The following MPPED2 variants were observed in gnomAD, a reference collection of about 807,000 sequenced individuals.
MPPED2 encodes metallophosphoesterase domain containing 2.
Under a neutral mutation model 33.0 loss-of-function variants are expected in MPPED2, and 5 were observed. The observed-to-expected ratio is 0.15, with a 90% CI of 0.08 to 0.32. The LOEUF (loss-of-function observed/expected upper bound fraction) is 0.32, where lower values mean the gene tolerates loss of function less well. Among genes scored for constraint, MPPED2 ranks in the 10% least tolerant of loss-of-function variants. The pLI is 1.00. For missense variants in MPPED2, 275 were observed against 372.1 expected, an observed-to-expected ratio of 0.74 and a Z score of 2.15; for synonymous variants, 136 against 141.9, an observed-to-expected ratio of 0.96 and a Z score of 0.29.
At chr11:30,504,626 A>C (rs1185792983) in intron 3 of MPPED2, 1 of 475,794 alleles carries the variant, frequency 2.1e-6, no homozygotes, top group Non-Finnish European at 3.6e-6. Flanking sequence ...TCAGCTACAA[A>C]ACCACCAGAA....
chr11:30,458,430 A>G (rs1365141479), intron 4 of MPPED2, among the ~76,000 whole-genome samples: 2 of 152,230 alleles, frequency 1.3e-5, no homozygotes, highest in African/African-American at 4.8e-5. Context: ...AGCAGAATGC[A>G]CTTGAAATCC....
At chr11:30,495,588 CTG>C (rs1419497319) in intron 3 of MPPED2, 67 bp from the exon 4 acceptor site, 2 of 1,191,116 alleles carry the variant, frequency 1.7e-6, no homozygotes, top group African/African-American at 1.5e-5. Context: ...ACAGCCGAGA[CTG>C]TGTGATTAGC....
chr11:30,519,469 G>A (rs1242696220), intron 3 of MPPED2, among the ~76,000 whole-genome samples: 1 of 151,734 alleles, frequency 6.6e-6, no homozygotes, highest in Non-Finnish European at 1.5e-5. Context: ...GGTGGTAGTG[G>A]TAGTAATAGT....
rs1368991023 is a variant in MPPED2, at chr11:30,562,112, A to C, written c.128+18134T>G. Reference sequence around the variant, plus strand: ...TATAGGTTTGCTCATTTCCACACACAGCAAGCAGTGGGCCAGAAACCACCT... The same window carrying C: ...TATAGGTTTGCTCATTTCCACACACCGCAAGCAGTGGGCCAGAAACCACCT... On this transcript the variant is annotated intron_variant, in intron 2 of 6. Transcript: ENST00000358117. Among the ~76,000 whole-genome samples the C allele has an allele frequency of 2.0e-5, 3 of 152,226 alleles. No homozygotes were observed. The East Asian group carries it at 5.8e-4, about 29-fold the overall frequency.
intron 4 of MPPED2, 24 bp from the exon 5 acceptor site, chr11:30,417,657 G>T (rs114983317): frequency 7.1e-7 from 1 of 1,407,370 alleles, no homozygotes; most frequent in African/African-American, 1.4e-5. Flanking sequence ...AATGCACATG[G>T]TATCAGGCCA....
intron 2 of MPPED2, among the ~76,000 whole-genome samples, chr11:30,539,299 G>A (rs935521583): frequency 2.0e-5 from 3 of 152,128 alleles, no homozygotes; most frequent in African/African-American, 7.2e-5. Context: ...TTATGCTGCT[G>A]AGTTCTCAAA....
chr11:30,469,472 G>A (rs1950856483), intron 4 of MPPED2, among the ~76,000 whole-genome samples: 1 of 152,114 alleles, frequency 6.6e-6, no homozygotes, highest in Non-Finnish European at 1.5e-5. Flanking sequence ...TTTTATAGAT[G>A]AAAAATCTCA....
At chr11:30,512,963 C>A (rs12420531) in intron 3 of MPPED2, among the ~76,000 whole-genome samples, 15,501 of 151,838 alleles carry the variant, frequency 0.1, 925 homozygotes, top group East Asian at 0.22. Flanking sequence ...CACGCCACTG[C>A]ACTCTACTGT....
At chr11:30,475,404 C>A (rs1315952624) in intron 4 of MPPED2, among the ~76,000 whole-genome samples, 1 of 152,118 alleles carries the variant, frequency 6.6e-6, no homozygotes, top group African/African-American at 2.4e-5. Context: ...AGATACCAAT[C>A]ATTTTTTTCA....
At chr11:30,570,804 C>T (rs148796881) in intron 2 of MPPED2, among the ~76,000 whole-genome samples, 139 of 152,252 alleles carry the variant, frequency 9.1e-4, no homozygotes, top group Non-Finnish European at 1.6e-3. Flanking sequence ...GAAACTTGGT[C>T]CTTGGCCCAA....
rs538781278 is a variant in MPPED2, at chr11:30,492,088, T to C, written c.536+3208A>G. ...TCTTGACTTTGCTACCTTGCCAGTA[T>C]TAAAATTAAAACATTTTAAATGATA... On this transcript the variant is annotated intron_variant, in intron 4 of 6. Coordinates refer to ENST00000358117, the MANE Select transcript of MPPED2 (RefSeq NM_001584.3). Among the ~76,000 whole-genome samples, 55 of 152,342 alleles carry C rather than the reference T, an allele frequency of 3.6e-4. 1 individual carries two copies. The highest frequency in any genetic ancestry group is 7.6e-4 in the Non-Finnish European group (52 of 68,036).
chr11:30,464,296 CACAT>C (rs1293129780), intron 4 of MPPED2, among the ~76,000 whole-genome samples: 2 of 151,766 alleles, frequency 1.3e-5, no homozygotes, highest in African/African-American at 2.4e-5. Flanking sequence ...CACACACACA[CACAT>C]ACCACTTGAC....
intron 3 of MPPED2, among the ~76,000 whole-genome samples, chr11:30,505,153 G>A (rs1261763131): frequency 6.6e-6 from 1 of 152,108 alleles, no homozygotes; most frequent in Admixed American, 6.5e-5. Context: ...GGGGAAGCAG[G>A]CCATTAATAT....
chr11:30,436,095 G>C (rs1245912188), intron 4 of MPPED2, among the ~76,000 whole-genome samples: 2 of 128,770 alleles, frequency 1.6e-5, no homozygotes, highest in African/African-American at 6.0e-5. Flanking sequence ...AATGTAATCT[G>C]CCAACCTGAG....
chr11:30,388,684 C>A, exon 7 of MPPED2: 1 of 508,716 alleles, frequency 2.0e-6, no homozygotes, highest in Non-Finnish European at 3.2e-6. Flanking sequence ...TCCAGCAGAG[C>A]CCTCCTCCGC....
rs1400561378 is a variant in MPPED2, at chr11:30,427,860, T to C, written c.537-10227A>G. On this transcript the variant is annotated intron_variant, in intron 4 of 6. Coordinates refer to ENST00000358117, the MANE Select transcript of MPPED2 (RefSeq NM_001584.3). ...TATTTAACTTTTTCTATAATGACTA[T>C]ATATCATTTGGAAGAAAAATTATTC... Among the ~76,000 whole-genome samples the C allele has an allele frequency of 2.6e-5, 4 of 152,166 alleles. No homozygotes were observed. The East Asian group carries it at 7.7e-4, about 29-fold the overall frequency.
chr11:30,402,594 G>A (rs1947924111), intron 6 of MPPED2, among the ~76,000 whole-genome samples: 1 of 152,178 alleles, frequency 6.6e-6, no homozygotes, highest in Non-Finnish European at 1.5e-5. Flanking sequence ...ATGTACAGAA[G>A]TCATACATAT....
intron 4 of MPPED2, among the ~76,000 whole-genome samples, chr11:30,491,787 T>C (rs1951994064): frequency 6.6e-6 from 1 of 152,254 alleles, no homozygotes; most frequent in Admixed American, 6.5e-5. Flanking sequence ...GGAATATTAA[T>C]TTTGATGAAA....
intron 4 of MPPED2, among the ~76,000 whole-genome samples, chr11:30,466,946 A>G (rs1204063771): frequency 1.3e-5 from 2 of 152,210 alleles, no homozygotes; most frequent in African/African-American, 2.4e-5. Context: ...ACGTGTGTGT[A>G]TGTATGTGTC....
Sources: allele counts gnomAD v4.1 joint callset (sites outside exome capture counted in the v4.1 genomes callset), GRCh38; gene constraint gnomAD v4.1.1; transcripts MANE v1.5; gene names NCBI Gene and HGNC (gene_info 2026-07-23, HGNC 2026-07-21).